The following HIPK2 variants were observed in gnomAD, a reference collection of about 807,000 sequenced individuals.
The protein encoded by HIPK2 is homeodomain interacting protein kinase 2, also known as homeodomain-interacting protein kinase 2.
HIPK2 carries 27 observed loss-of-function variants against 113.7 expected under a neutral mutation model. The ratio of observed to expected loss-of-function variants is 0.24; its 90% confidence interval spans 0.17 to 0.33. HIPK2 has a LOEUF of 0.33. Ranked by LOEUF, HIPK2 falls within the 10% of genes least tolerant of loss-of-function variation. The probability of loss-of-function intolerance (pLI) is 1.00; values close to 1 mark genes in which losing one functional copy is unlikely to be tolerated. For synonymous variants in HIPK2, 631 were observed against 642.2 expected (o/e 0.98, Z 0.26); for missense variants, 1,257 against 1,588.0 (o/e 0.79, Z 3.54).
chr7:139,725,577 C>T (rs1044616657), intron 1 of HIPK2, among the ~76,000 whole-genome samples: 1 of 152,244 alleles, frequency 6.6e-6, no homozygotes, highest in African/African-American at 2.4e-5. Context: ...TAACTTCTAT[C>T]TTCTAGAAGT....
At chr7:139,620,687 G>A (rs147774576) in intron 6 of HIPK2, 124 bp from the exon 7 acceptor site, 2 of 1,277,146 alleles carry the variant, frequency 1.6e-6, no homozygotes, top group African/African-American at 1.5e-5. Context: ...GACAAGCAGG[G>A]AAACTAAACT....
chr7:139,695,427 C>G (rs1429089402), intron 2 of HIPK2, among the ~76,000 whole-genome samples: 1 of 152,154 alleles, frequency 6.6e-6, no homozygotes, highest in Non-Finnish European at 1.5e-5. Flanking sequence ...TTGGGGCCAC[C>G]ATGAAATGGG....
chr7:139,707,409 A>C (rs985133482), intron 2 of HIPK2, among the ~76,000 whole-genome samples: 38 of 152,380 alleles, frequency 2.5e-4, no homozygotes, highest in African/African-American at 7.5e-4. Flanking sequence ...GAGCGAGAGA[A>C]GGGTGGCCCT....
intron 6 of HIPK2, among the ~76,000 whole-genome samples, chr7:139,626,171 C>T (rs1264194997): frequency 1.3e-5 from 2 of 151,172 alleles, no homozygotes; most frequent in African/African-American, 4.9e-5. Context: ...GGCGCGATCT[C>T]GGCTCACTGC....
chr7:139,633,095 C>CAAAAAAAAAAAAAAAAA (rs942820284), intron 2 of HIPK2, among the ~76,000 whole-genome samples: 10 of 74,634 alleles, frequency 1.3e-4, no homozygotes, highest in African/African-American at 4.0e-4. Flanking sequence ...GACCCTGTCT[C>CAAAAAAAAAAAAAAAAA]AAAAAAAAAA....
rs1298027009 is a variant in HIPK2 at position 139,563,588 on chromosome 7, C to A, written c.*9339G>T. On this transcript the variant is annotated 3_prime_UTR_variant, in exon 15 of 15. Coordinates refer to ENST00000406875, the MANE Select transcript of HIPK2 (RefSeq NM_022740.5). ...TTCTATGTTTTAAAAATATAAGCCCCAAAAACAATGACACAAAATTCATTT... is the reference window on the plus strand; with the variant it reads ...TTCTATGTTTTAAAAATATAAGCCCAAAAAACAATGACACAAAATTCATTT... The A allele has an allele frequency of 5.3e-6, 2 of 377,552 alleles. No individual in the cohort carries two copies. The highest frequency in any genetic ancestry group is 9.3e-6 in the Non-Finnish European group (2 of 214,012). The allele number at this position is 377,552 out of a possible 1,614,324, so 23.4% of individuals were successfully genotyped here. A position where few individuals can be genotyped will look rare whatever the true frequency, so the allele number is the denominator to read the frequency against.
At chr7:139,628,699 G>A (rs1800511302) in intron 5 of HIPK2, among the ~76,000 whole-genome samples, 2 of 152,220 alleles carry the variant, frequency 1.3e-5, no homozygotes, top group African/African-American at 2.4e-5. Context: ...CTCCCAAAGT[G>A]CTAGGATTAC....
At chr7:139,663,846 A>G (rs969178231) in intron 2 of HIPK2, among the ~76,000 whole-genome samples, 2 of 152,288 alleles carry the variant, frequency 1.3e-5, no homozygotes, top group East Asian at 3.9e-4. Flanking sequence ...CCTCAATTCT[A>G]TCTCCTGCTT....
At chr7:139,758,840 C>T (rs1411259162) in intron 1 of HIPK2, among the ~76,000 whole-genome samples, 2 of 151,860 alleles carry the variant, frequency 1.3e-5, no homozygotes, top group Non-Finnish European at 2.9e-5. Context: ...ACCAAACGTA[C>T]CAAGATGTAA....
chr7:139,760,475 C>T (rs1351829011), intron 1 of HIPK2, among the ~76,000 whole-genome samples: 2 of 152,124 alleles, frequency 1.3e-5, no homozygotes, highest in Non-Finnish European at 2.9e-5. Context: ...TTTTAGAACA[C>T]AGTATTTTTA....
At chr7:139,738,256 T>TG (rs772103319) in intron 1 of HIPK2, among the ~76,000 whole-genome samples, 1 of 152,262 alleles carries the variant, frequency 6.6e-6, no homozygotes, top group Non-Finnish European at 1.5e-5. Context: ...TCTCTTCAGT[T>TG]GATCTCTGTA....
intron 1 of HIPK2, among the ~76,000 whole-genome samples, chr7:139,728,924 TTTAAA>T (rs1280623318): frequency 2.6e-5 from 4 of 152,202 alleles, no homozygotes; most frequent in African/African-American, 9.6e-5. Context: ...TACTATCTAC[TTTAAA>T]TTAAGCTCTG....
At position 139,680,878 on chromosome 7, in the gene HIPK2, T is replaced by C. The variant is rs530090407; in HGVS notation, c.1103+35054A>G. On this transcript the variant is annotated intron_variant, in intron 2 of 14. Coordinates refer to ENST00000406875, the MANE Select transcript of HIPK2 (RefSeq NM_022740.5). ...CACAGGGCTGCCATCAGTCAGCCCA[T>C]TACTCAGCCATGGGCCCAGTGAGGC... is the stretch of plus-strand genomic sequence containing the variant. 2.0e-5 allele frequency among the ~76,000 whole-genome samples: 3 copies of C among 152,324 alleles called. No individual in the cohort carries two copies. The East Asian group carries it at 5.8e-4, about 29-fold the overall frequency.
Position 139,564,371 on chromosome 7 carries a change from C to A in HIPK2, c.*8556G>T, listed in dbSNP as rs562931851. ...TCCCAGTCTCTTCTACTGCCTGGTG[C>A]CTGGAAATCAGTGGATCTATTAATA... On this transcript the variant is annotated 3_prime_UTR_variant, in exon 15 of 15. Coordinates refer to ENST00000406875, the MANE Select transcript of HIPK2 (RefSeq NM_022740.5). 6.2e-6 allele frequency: 1 copy of A among 160,542 alleles called. No homozygotes were observed. The highest frequency in any genetic ancestry group is 2.0e-4 in the South Asian group (1 of 4,890). 9.9% of individuals were successfully genotyped at this position (160,542 alleles called of 1,614,324 possible). A position where few individuals can be genotyped will look rare whatever the true frequency, so the allele number is the denominator to read the frequency against.
rs942850792 is a variant in HIPK2 at position 139,714,711 on chromosome 7, G to A, written c.1103+1221C>T. On this transcript the variant is annotated intron_variant, in intron 2 of 14. Coordinates refer to ENST00000406875, the MANE Select transcript of HIPK2 (RefSeq NM_022740.5). The surrounding 1 kb of genome is among the most constrained non-coding windows in gnomAD (Gnocchi z 4.2). ...GTGGCACGCTCTTAAATGTGCATCC[G>A]TCCCATCTTCTCATGGGAGTTTCAG... Among the ~76,000 whole-genome samples the A allele has an allele frequency of 2.0e-5, 3 of 152,200 alleles. No individual in the cohort carries two copies. The highest frequency in any genetic ancestry group is 2.1e-4 in the South Asian group (1 of 4,834).
chr7:139,708,750 T>C (rs1794981375), intron 2 of HIPK2, among the ~76,000 whole-genome samples: 1 of 152,236 alleles, frequency 6.6e-6, no homozygotes, highest in African/African-American at 2.4e-5. Context: ...TGCGTGTGCC[T>C]TGTGTCTTTC....
At chr7:139,599,406 C>T (rs1799341595) in intron 11 of HIPK2, among the ~76,000 whole-genome samples, 1 of 152,238 alleles carries the variant, frequency 6.6e-6, no homozygotes, top group South Asian at 2.1e-4. Context: ...TCCTCTCCTA[C>T]TGGTCTCTGG....
chr7:139,747,049 A>G (rs1420297628), intron 1 of HIPK2, among the ~76,000 whole-genome samples: 4 of 152,188 alleles, frequency 2.6e-5, no homozygotes, highest in Non-Finnish European at 1.5e-5. Flanking sequence ...GACAACACTC[A>G]TTTGTCCAGG....
intron 1 of HIPK2, among the ~76,000 whole-genome samples, chr7:139,774,455 C>T (rs554044488): frequency 1.3e-5 from 2 of 152,320 alleles, no homozygotes; most frequent in Admixed American, 1.3e-4. Context: ...TATACTTACT[C>T]ATTTTTAAAA....
Sources: gnomAD v4.1 joint callset for allele counts (sites outside exome capture counted in the v4.1 genomes callset) on GRCh38, gnomAD v4.1.1 for gene constraint, Gnocchi (gnomAD v3.1) non-coding constraint, MANE v1.5 for transcripts, NCBI Gene and HGNC (gene_info 2026-07-23, HGNC 2026-07-21) for gene names.